Variants in GPR143 observed in about 807,000 individuals in gnomAD.
The protein encoded by GPR143 is G protein-coupled receptor 143.
In GPR143, 8 loss-of-function variants were observed where a neutral mutation model predicts 27.6. The ratio of observed to expected loss-of-function variants is 0.29; its 90% CI spans 0.17 to 0.52. The LOEUF (loss-of-function observed/expected upper bound fraction) is 0.52, where lower values mean the gene tolerates loss of function less well. Among genes scored for constraint, GPR143 ranks in the 20% least tolerant of loss-of-function variants. The probability of loss-of-function intolerance (pLI) is 0.96; values close to 1 mark genes in which losing one functional copy is unlikely to be tolerated. For synonymous variants in GPR143, 156 were observed against 153.2 expected, an observed-to-expected ratio of 1.02 and a Z score of -0.13; for missense variants, 303 against 343.1, an observed-to-expected ratio of 0.88 and a Z score of 0.92.
chrX:9,762,422 G>A, intron 1 of GPR143, among the ~76,000 whole-genome samples: 1 of 110,893 alleles, frequency 9.0e-6, no homozygotes, highest in Non-Finnish European at 1.9e-5. Context: ...TAATATAAAG[G>A]GGAGAACTGT....
intron 5 of GPR143, among the ~76,000 whole-genome samples, chrX:9,745,804 A>G (rs2083425911): frequency 8.9e-6 from 1 of 112,122 alleles, no homozygotes; most frequent in South Asian, 3.7e-4. Context: ...TGAAAAGTCA[A>G]CTAGTCCTGG....
In GPR143 at chrX:9,743,602, T is replaced by C. The variant is rs62635040; in HGVS notation, c.730A>G (p.Ile244Val). The C allele has an allele frequency of 8.4e-7, 1 of 1,188,845 alleles. No homozygotes were observed. The highest frequency in any genetic ancestry group is 1.8e-5 in the South Asian group (1 of 56,460). Residue 244 changes from isoleucine to valine, a missense_variant, in exon 6 of 9, where the codon ATC becomes GTC. Physicochemically the swap from Ile to Val is conservative, Grantham distance 29. Transcript: ENST00000467482. ...ACCAGCATGATTTTGAAAAATCGGA[T>C]CTTGATCACGGCTCCCATCCTCCTC... ...NERRMGAVIK[I>V]RFFKIMLVLI...
At chrX:9,762,600 T>C (rs1422334427) in intron 1 of GPR143, among the ~76,000 whole-genome samples, 5 of 111,253 alleles carry the variant, frequency 4.5e-5, no homozygotes, top group African/African-American at 1.6e-4. Flanking sequence ...ACTAAACACA[T>C]ACCATGTAAT....
intron 3 of GPR143, among the ~76,000 whole-genome samples, chrX:9,751,251 C>T (rs1323071723): frequency 1.8e-5 from 2 of 112,423 alleles, no homozygotes; most frequent in Admixed American, 1.9e-4. Context: ...CCCCGCCCAC[C>T]TCCACTTTCC....
intron 1 of GPR143, among the ~76,000 whole-genome samples, chrX:9,771,743 C>T (rs1398464918): frequency 2.4e-5 from 2 of 82,224 alleles, no homozygotes; most frequent in African/African-American, 9.8e-5. Flanking sequence ...GAGTCTTGCT[C>T]TGTTGCCCAG....
At chrX:9,755,713 TAGTGACGC>T (rs1692375775) in intron 3 of GPR143, among the ~76,000 whole-genome samples, 1 of 111,511 alleles carries the variant, frequency 9.0e-6, no homozygotes, top group Non-Finnish European at 1.9e-5. Context: ...CACGATAGGA[TAGTGACGC>T]AGGAAAATCA....
rs182842357 is a variant in GPR143, at chrX:9,725,531, C to T, written c.*215G>A. ...AAGGCTAGAGCAGCTGTAGAGTGGTCTGGAGGGGGCTCTTCCATTCTCACA... is the reference window on the plus strand; with the variant it reads ...AAGGCTAGAGCAGCTGTAGAGTGGTTTGGAGGGGGCTCTTCCATTCTCACA... On this transcript the variant is annotated 3_prime_UTR_variant, in exon 9 of 9. Coordinates refer to ENST00000467482, the MANE Select transcript of GPR143 (RefSeq NM_000273.3). 1.8e-3 allele frequency: 706 copies of T among 398,103 alleles called. 1 individual carries two copies. Among genetic ancestry groups the T allele is most frequent in the Middle Eastern group, 9.7e-3 (14 of 1,436 alleles). The allele number at this position is 398,103 out of a possible 1,213,427, so 32.8% of individuals were successfully genotyped here.
In GPR143 at chrX:9,725,775, G is replaced by A. The variant is rs781539839; in HGVS notation, c.1186C>T (p.Pro396Ser). 8.3e-6 allele frequency: 10 copies of A among 1,208,422 alleles called. No individual in the cohort carries two copies. The highest frequency in any genetic ancestry group is 1.8e-5 in the South Asian group (1 of 56,762). The change falls in exon 9 of 9, where the codon CCT becomes TCT. Residue 396 changes from proline (P) to serine (S), a missense_variant. By Grantham distance (74) the Pro-to-Ser change is moderately conservative (BLOSUM62 -1). Coordinates refer to ENST00000467482, the MANE Select transcript of GPR143 (RefSeq NM_000273.3). ...SESCNKNEGD[P>S]ALPTHGDL is the part of the protein sequence containing the mutation. ...AGGTCTCCATGGGTTGGGAGAGCAG[G>A]GTCACCCTCATTTTTGTTGCAGGAT...
chrX:9,732,573 G>A (rs2083359272), intron 8 of GPR143, among the ~76,000 whole-genome samples: 1 of 111,543 alleles, frequency 9.0e-6, no homozygotes, highest in African/African-American at 3.3e-5. Flanking sequence ...ATAGAAAAAT[G>A]GAGAATTGGC....
At chrX:9,733,958 T>C (rs2083367159) in intron 8 of GPR143, among the ~76,000 whole-genome samples, 1 of 108,411 alleles carries the variant, frequency 9.2e-6, no homozygotes, top group African/African-American at 3.4e-5. Flanking sequence ...TGGGTGCCTA[T>C]AATCCCAGCT....
At chrX:9,771,705 C>CTT (rs1288480180) in intron 1 of GPR143, among the ~76,000 whole-genome samples, 60 of 37,666 alleles carry the variant, frequency 1.6e-3, no homozygotes, top group African/African-American at 4.7e-3. Context: ...ATGGAGCATT[C>CTT]TCTCTCTTTT....
chrX:9,732,653 G>A (rs1209391719), intron 8 of GPR143, among the ~76,000 whole-genome samples: 4 of 109,728 alleles, frequency 3.6e-5, no homozygotes, highest in Non-Finnish European at 3.8e-5. Flanking sequence ...ACTTGAGGTC[G>A]GGAGTTTGAA....
At chrX:9,734,534 G>A (rs1354334021) in intron 8 of GPR143, among the ~76,000 whole-genome samples, 2 of 111,815 alleles carry the variant, frequency 1.8e-5, no homozygotes, top group Non-Finnish European at 3.8e-5. Flanking sequence ...CACCTGTGTG[G>A]GAACACAGCC....
chrX:9,764,084 T>C (rs2083515399), intron 1 of GPR143, among the ~76,000 whole-genome samples: 1 of 111,725 alleles, frequency 9.0e-6, no homozygotes, highest in African/African-American at 3.3e-5. Context: ...GGTGATCTTT[T>C]AATTAAGCCC....
At chrX:9,726,902 AAG>A (rs1452570523) in intron 8 of GPR143, among the ~76,000 whole-genome samples, 2 of 112,738 alleles carry the variant, frequency 1.8e-5, no homozygotes, top group Non-Finnish European at 1.9e-5. Context: ...ACACAATACA[AAG>A]AGGGAGAAAA....
At chrX:9,753,379 A>AAT (rs2083460030) in intron 3 of GPR143, among the ~76,000 whole-genome samples, 1 of 107,086 alleles carries the variant, frequency 9.3e-6, no homozygotes, top group Non-Finnish European at 1.9e-5. Context: ...TAAATAAATA[A>AAT]AAATAAAAAT....
rs771056170 is a variant in GPR143 at position 9,739,574 on chromosome X, G to A, written c.1031C>T (p.Pro344Leu). Residue 344 changes from proline (P) to leucine (L), a missense_variant, in exon 8 of 9, where the codon CCA becomes CTA. By Grantham distance (98) the Pro-to-Leu change is moderately conservative. Coordinates refer to ENST00000467482, the MANE Select transcript of GPR143 (RefSeq NM_000273.3). ...AGCAGGGTTTTCATGGGGCATCAGT[G>A]GGGATGGGTGAGCCCCCTCAGCAGC... ...TSAAEGAHPS[P>L]LMPHENPASG... 194 of 1,208,482 alleles carry A rather than the reference G, an allele frequency of 1.6e-4. No homozygotes were observed. In the South Asian group the frequency reaches 3.3e-3, roughly 21 times the overall value.
At chrX:9,768,806 C>T (rs778992870), upstream of GPR143, among the ~76,000 whole-genome samples, 48 of 110,860 alleles carry the variant, frequency 4.3e-4, no homozygotes, top group Non-Finnish European at 5.1e-4. Context: ...GCCTCCTGAG[C>T]AGCTGGGACC....
intron 1 of GPR143, among the ~76,000 whole-genome samples, chrX:9,761,870 G>A (rs754363832): frequency 2.1e-4 from 24 of 112,324 alleles, no homozygotes; most frequent in African/African-American, 5.8e-4. Flanking sequence ...GGCCAAGGCC[G>A]GCGGATCACT....
Sources: gnomAD v4.1 joint callset for allele counts (sites outside exome capture counted in the v4.1 genomes callset) on GRCh38, gnomAD v4.1.1 for gene constraint, MANE v1.5 for transcripts, NCBI Gene and HGNC (gene_info 2026-07-23, HGNC 2026-07-21) for gene names.